The following NLRP4 variants were observed in gnomAD, a reference collection of about 807,000 sequenced individuals.
NLRP4 encodes NLR family pyrin domain containing 4, also known as NACHT, LRR and PYD domains-containing protein 4.
In NLRP4, 44 loss-of-function variants were observed where a neutral mutation model predicts 84.7. That is an observed-to-expected ratio of 0.52 (90% CI 0.41 to 0.67). NLRP4 has a LOEUF of 0.67. NLRP4 is among the 30% of genes least tolerant of loss of function. NLRP4 has a pLI of 0.00. For synonymous variants in NLRP4, 544 were observed against 476.4 expected (o/e 1.14, Z -1.85); for missense variants, 1,260 against 1,219.4 (o/e 1.03, Z -0.50).
chr19:55,857,990 G>A lies in NLRP4; in HGVS notation c.597G>A (p.Thr199=), dbSNP rs779686746. The change falls in exon 3 of 10, where the codon ACG becomes ACA. Residue 199 remains threonine (T), a synonymous_variant. Transcript: ENST00000301295. ...GAGAACTGAGGGAGTTGCCGCCAAC[G>A]AGTTTGGCTGACTTGATTTCCAGAG... The part of the protein sequence containing the change: ...CCRELRELPP[T]SLADLISREW... The A allele has an allele frequency of 5.0e-6, 8 of 1,614,126 alleles. No homozygotes were observed. Among genetic ancestry groups the A allele is most frequent in the South Asian group, 1.1e-5 (1 of 91,076 alleles).
chr19:55,860,074 C>A (rs1984686336), intron 3 of NLRP4, among the ~76,000 whole-genome samples: 1 of 151,150 alleles, frequency 6.6e-6, no homozygotes, highest in South Asian at 2.1e-4. Context: ...CAAGCTCCGC[C>A]TCCCAGGTTC....
At chr19:55,850,829 C>CCGAGGCTG (rs1984086649) in intron 1 of NLRP4, among the ~76,000 whole-genome samples, 1 of 95,654 alleles carries the variant, frequency 1.0e-5, no homozygotes, top group Non-Finnish European at 1.9e-5. Flanking sequence ...GGTGTAATGT[C>CCGAGGCTG]CGAGGCTGCG....
intron 7 of NLRP4, among the ~76,000 whole-genome samples, chr19:55,873,802 A>C (rs1985274497): frequency 6.6e-6 from 1 of 152,214 alleles, no homozygotes. Flanking sequence ...AAATCTTACA[A>C]GGTGAACATA....
rs1287651722 is a variant in NLRP4 at position 55,876,279 on chromosome 19, A to G, written c.2526-717A>G. Among the ~76,000 whole-genome samples the G allele has an allele frequency of 2.6e-5, 4 of 152,288 alleles. No individual in the cohort carries two copies. The South Asian group carries it at 6.2e-4, about 24-fold the overall frequency. ...ACAATTCAGTTGTCCCTCCATATCC[A>G]TAGGAGGTTGGCTACAGATTTCCCC... On this transcript the variant is annotated intron_variant, in intron 7 of 9. Transcript: ENST00000301295.
chr19:55,866,302 A>G (rs879866379), intron 5 of NLRP4, among the ~76,000 whole-genome samples: 3 of 152,148 alleles, frequency 2.0e-5, no homozygotes, highest in Admixed American at 2.0e-4. Flanking sequence ...AAAGTGCTGG[A>G]ATTACAGGCT....
rs1293739458 is a variant in NLRP4, at chr19:55,850,019, G to A, written c.-65-1997G>A. On this transcript the variant is annotated intron_variant, in intron 1 of 9. Transcript: ENST00000301295. ...ACTGCGGTGTGATTTCCGAGACTGC[G>A]GTGTGATTTCCGAGACTGCGGTGTG... Among the ~76,000 whole-genome samples the A allele has an allele frequency of 2.1e-5, 3 of 146,154 alleles. 1 individual carries two copies. The highest frequency in any genetic ancestry group is 7.9e-5 in the African/African-American group (3 of 38,114).
chr19:55,866,135 G>A (rs976933521), intron 5 of NLRP4, among the ~76,000 whole-genome samples: 3 of 152,146 alleles, frequency 2.0e-5, no homozygotes, highest in African/African-American at 7.2e-5. Flanking sequence ...CTGGGTTCAA[G>A]TGATTCTTCT....
At chr19:55,859,559 C>A (rs894225784) in intron 3 of NLRP4, among the ~76,000 whole-genome samples, 1 of 152,054 alleles carries the variant, frequency 6.6e-6, no homozygotes, top group Non-Finnish European at 1.5e-5. Flanking sequence ...GTACTATAAT[C>A]GATATTTTTC....
intron 6 of NLRP4, among the ~76,000 whole-genome samples, chr19:55,868,194 G>A (rs892571446): frequency 6.6e-6 from 1 of 152,212 alleles, no homozygotes; most frequent in African/African-American, 2.4e-5. Flanking sequence ...AACACACATG[G>A]TACTTCCCGT....
At chr19:55,868,684 T>C (rs1230170495) in intron 6 of NLRP4, among the ~76,000 whole-genome samples, 2 of 152,070 alleles carry the variant, frequency 1.3e-5, no homozygotes, top group Non-Finnish European at 2.9e-5. Context: ...GTATTTTTAG[T>C]AGAGATGGGG....
At chr19:55,878,209 A>G (rs975558413) in intron 8 of NLRP4, among the ~76,000 whole-genome samples, 6 of 147,192 alleles carry the variant, frequency 4.1e-5, no homozygotes, top group Admixed American at 6.7e-5. Flanking sequence ...CAAGGCTGCA[A>G]TGAGCCATGA....
chr19:55,855,542 G>A (rs1984378017), intron 2 of NLRP4, among the ~76,000 whole-genome samples: 1 of 152,310 alleles, frequency 6.6e-6, no homozygotes, highest in Middle Eastern at 3.4e-3. Context: ...GAAAGATTGG[G>A]GGAATCCCTT....
intron 1 of NLRP4, among the ~76,000 whole-genome samples, chr19:55,843,879 C>A (rs1983702365): frequency 6.6e-6 from 1 of 152,060 alleles, no homozygotes; most frequent in African/African-American, 2.4e-5. Context: ...CAAGTGTTAG[C>A]CCTTTTCATC....
rs998080130 is a variant in NLRP4, at chr19:55,881,646, A to G, written c.*59A>G. The G allele has an allele frequency of 2.1e-5, 17 of 794,790 alleles. No homozygotes were observed. The African/African-American group carries it at 2.9e-4, about 14-fold the overall frequency. 49.2% of individuals were successfully genotyped at this position (794,790 alleles called of 1,614,324 possible). A position where few individuals can be genotyped will look rare whatever the true frequency, so the allele number is the denominator to read the frequency against. On this transcript the variant is annotated 3_prime_UTR_variant, in exon 10 of 10. Transcript: ENST00000301295. Reference sequence around the variant, plus strand: ...GCAAAGGACAGGGACTGGGACCGTTACTTACATGACACTGCACCCAGGAGA... The same window carrying G: ...GCAAAGGACAGGGACTGGGACCGTTGCTTACATGACACTGCACCCAGGAGA...
intron 2 of NLRP4, among the ~76,000 whole-genome samples, chr19:55,853,783 G>A (rs1185269474): frequency 1.4e-5 from 2 of 141,394 alleles, no homozygotes; most frequent in African/African-American, 5.6e-5. Flanking sequence ...CTCTCTTTCT[G>A]TCTCTCTTTC....
chr19:55,873,766 A>G (rs1363193789), intron 7 of NLRP4, among the ~76,000 whole-genome samples: 1 of 152,210 alleles, frequency 6.6e-6, no homozygotes, highest in Non-Finnish European at 1.5e-5. Flanking sequence ...TAATTTTTAA[A>G]TTATCTTCCT....
intron 1 of NLRP4, among the ~76,000 whole-genome samples, chr19:55,840,344 A>ATGTGTGTG (rs762148583): frequency 0.046 from 5,464 of 119,638 alleles, 130 homozygotes; most frequent in Non-Finnish European, 0.055. Context: ...GTGTATGTGT[A>ATGTGTGTG]TGTGTGTGTG....
chr19:55,856,822 A>G (rs1984453093), intron 2 of NLRP4, among the ~76,000 whole-genome samples: 1 of 152,006 alleles, frequency 6.6e-6, no homozygotes, highest in Admixed American at 6.6e-5. Context: ...CTGTTGTTGG[A>G]TTTTTTGATT....
intron 2 of NLRP4, among the ~76,000 whole-genome samples, chr19:55,854,846 C>T (rs762184426): frequency 1.1e-4 from 16 of 152,108 alleles, no homozygotes; most frequent in South Asian, 4.1e-4. Flanking sequence ...CCTCAGCCTC[C>T]GGAGTAGCTG....
Sources: gnomAD v4.1 joint callset for allele counts (sites outside exome capture counted in the v4.1 genomes callset) on GRCh38, gnomAD v4.1.1 for gene constraint, MANE v1.5 for transcripts, NCBI Gene and HGNC (gene_info 2026-07-23, HGNC 2026-07-21) for gene names.